LYRM4: variants seen among roughly 807,000 people sequenced by gnomAD.
LYRM4 encodes the protein LYR motif-containing protein 4.
Under a neutral mutation model 11.7 loss-of-function variants are expected in LYRM4, and 9 were observed. The ratio of observed to expected loss-of-function variants is 0.77; its 90% confidence interval spans 0.46 to 1.34. The LOEUF is 1.34. LYRM4 is among the 40% of genes most tolerant of loss of function. The probability of loss-of-function intolerance (pLI) is 0.00; values close to 1 mark genes in which losing one functional copy is unlikely to be tolerated. For missense variants in LYRM4, 133 were observed against 112.5 expected (o/e 1.18, Z -0.82); for synonymous variants, 42 against 40.4 (o/e 1.04, Z -0.15).
At chr6:5,051,418 C>G in the LYRM4 span, among the ~76,000 whole-genome samples, 288 of 152,158 alleles carry the variant, frequency 1.9e-3, 1 homozygote, top group African/African-American at 6.7e-3. Context: ...TTGAAAGCAA[C>G]AAGAAAGAAA....
chr6:5,132,049 G>A (rs1436838017), intron 2 of LYRM4, among the ~76,000 whole-genome samples: 3 of 152,078 alleles, frequency 2.0e-5, no homozygotes, highest in Non-Finnish European at 4.4e-5. Flanking sequence ...TTTCATGATC[G>A]TACCCAATTC....
intron 1 of LYRM4, among the ~76,000 whole-genome samples, chr6:5,250,079 T>C (rs1291656639): frequency 6.6e-6 from 1 of 152,236 alleles, no homozygotes; most frequent in Non-Finnish European, 1.5e-5. Flanking sequence ...GAAAATTCTA[T>C]TTACTTATAA....
Position 5,260,899 on chromosome 6 carries a change from G to T in LYRM4, c.-166C>A, listed in dbSNP as rs1011791141. The T allele has an allele frequency of 1.4e-6, 2 of 1,397,534 alleles. No homozygotes were observed. Among genetic ancestry groups the T allele is most frequent in the Non-Finnish European group, 1.8e-6 (2 of 1,082,040 alleles). 86.6% of individuals were successfully genotyped at this position (1,397,534 alleles called of 1,614,324 possible). ...CTAAGCGGGCAGCCCTGCGGATCGC[G>T]GACGGCGCCAGGCGTCCCGCGCCGC... is the stretch of plus-strand genomic sequence containing the variant. On this transcript the variant is annotated 5_prime_UTR_variant, in exon 1 of 3. Transcript: ENST00000330636.
the LYRM4 span, chr6:5,034,823 A>G: frequency 7.4e-6 from 1 of 135,582 alleles, no homozygotes; most frequent in Non-Finnish European, 1.5e-5. Flanking sequence ...AGAAGTTTAC[A>G]GTCAGGAACA....
chr6:5,094,853 G>A, the LYRM4 span, among the ~76,000 whole-genome samples: 2 of 152,200 alleles, frequency 1.3e-5, no homozygotes, highest in Non-Finnish European at 2.9e-5. Flanking sequence ...GAAGGGGGAT[G>A]AAGAGGAGTT....
intron 2 of LYRM4, among the ~76,000 whole-genome samples, chr6:5,158,019 G>A (rs2746240): frequency 0.47 from 72,158 of 151,912 alleles, 17,551 homozygotes; most frequent in East Asian, 0.76. Flanking sequence ...AACAACACAA[G>A]CCACACACTC....
chr6:5,140,468 A>G (rs1200609628), intron 2 of LYRM4, among the ~76,000 whole-genome samples: 1 of 152,246 alleles, frequency 6.6e-6, no homozygotes, highest in African/African-American at 2.4e-5. Flanking sequence ...GAGTATTTCC[A>G]AAGTACATAA....
chr6:5,142,936 C>T (rs548949892), intron 2 of LYRM4, among the ~76,000 whole-genome samples: 1 of 152,364 alleles, frequency 6.6e-6, no homozygotes, highest in African/African-American at 2.4e-5. Flanking sequence ...CAGGAGGCCG[C>T]ATCGCGGGCC....
the LYRM4 span, chr6:5,086,844 A>G: frequency 0.82 from 384,667 of 470,064 alleles, 158,253 homozygotes; most frequent in East Asian, 0.91. Context: ...CTGCGTCAGA[A>G]TAGGAAGAAA....
At chr6:5,148,258 C>T (rs1390221822) in intron 2 of LYRM4, 1 of 154,092 alleles carries the variant, frequency 6.5e-6, no homozygotes, top group African/African-American at 2.4e-5. Context: ...GAGGATGACG[C>T]AGACTTGGTC....
chr6:5,137,159 T>C (rs1304961293), intron 2 of LYRM4, among the ~76,000 whole-genome samples: 2 of 152,242 alleles, frequency 1.3e-5, no homozygotes, highest in Non-Finnish European at 2.9e-5. Context: ...TGTTCTAGCA[T>C]GTATCAGTAC....
intron 2 of LYRM4, among the ~76,000 whole-genome samples, chr6:5,140,579 C>T (rs1288087646): frequency 1.3e-5 from 2 of 152,162 alleles, no homozygotes; most frequent in African/African-American, 2.4e-5. Flanking sequence ...TACAGGTATG[C>T]ACAGTGTGTG....
At chr6:5,145,390 A>C (rs1014212445) in intron 2 of LYRM4, among the ~76,000 whole-genome samples, 1 of 152,220 alleles carries the variant, frequency 6.6e-6, no homozygotes, top group African/African-American at 2.4e-5. Flanking sequence ...CGAAGTCGGC[A>C]CCAGTATTGT....
At chr6:5,237,764 A>G (rs186998184) in intron 1 of LYRM4, among the ~76,000 whole-genome samples, 1 of 152,318 alleles carries the variant, frequency 6.6e-6, no homozygotes, top group Admixed American at 6.5e-5. Flanking sequence ...GGTTACCTGC[A>G]AAATGCTTTC....
chr6:5,063,853 C>T, the LYRM4 span, among the ~76,000 whole-genome samples: 1 of 152,228 alleles, frequency 6.6e-6, no homozygotes, highest in Non-Finnish European at 1.5e-5. Flanking sequence ...CTCACCCCAG[C>T]ATGTCGGGAA....
chr6:5,043,319 A>C, the LYRM4 span: 1 of 152,108 alleles, frequency 6.6e-6, no homozygotes, highest in Non-Finnish European at 1.5e-5. Flanking sequence ...AGACCCTGGA[A>C]ATTTCAAATC....
intron 1 of LYRM4, among the ~76,000 whole-genome samples, chr6:5,236,875 T>A (rs1346998444): frequency 6.6e-6 from 1 of 152,080 alleles, no homozygotes; most frequent in African/African-American, 2.4e-5. Context: ...GTGGATCACT[T>A]GAGCCCAGGA....
At chr6:5,060,337 A>C in the LYRM4 span, among the ~76,000 whole-genome samples, 4 of 152,174 alleles carry the variant, frequency 2.6e-5, no homozygotes, top group Non-Finnish European at 4.4e-5. Flanking sequence ...AATTTTTGCC[A>C]TGAAAAAATG....
At chr6:5,252,694 G>A (rs1303889364) in intron 1 of LYRM4, among the ~76,000 whole-genome samples, 3 of 151,958 alleles carry the variant, frequency 2.0e-5, no homozygotes, top group Non-Finnish European at 4.4e-5. Flanking sequence ...TGAAGTTTTG[G>A]TCAATGAGCA....
Sources: allele counts gnomAD v4.1 joint callset (sites outside exome capture counted in the v4.1 genomes callset), GRCh38; gene constraint gnomAD v4.1.1; transcripts MANE v1.5; gene names NCBI Gene and HGNC (gene_info 2026-07-23, HGNC 2026-07-21).